The following VIRMA variants were observed in gnomAD, a reference collection of about 807,000 sequenced individuals.
VIRMA encodes protein virilizer homolog.
In VIRMA, 65 loss-of-function variants were observed where a neutral mutation model predicts 182.4. The observed-to-expected ratio is 0.36, with a 90% CI of 0.29 to 0.44. The LOEUF (loss-of-function observed/expected upper bound fraction) is 0.44, where lower values mean the gene tolerates loss of function less well. Ranked by LOEUF, VIRMA falls within the 20% of genes least tolerant of loss-of-function variation. The pLI is 1.00. For missense variants in VIRMA, 1,752 were observed against 2,158.1 expected, an observed-to-expected ratio of 0.81 and a Z score of 3.73; for synonymous variants, 709 against 743.1, an observed-to-expected ratio of 0.95 and a Z score of 0.75.
rs1816081056 is a variant in VIRMA, at chr8:94,553,425, T to A, written c.23A>T (p.Glu8Val). 1 of 1,613,814 alleles carries A rather than the reference T, an allele frequency of 6.2e-7. No homozygotes were observed. The highest frequency in any genetic ancestry group is 1.7e-5 in the Admixed American group (1 of 59,986). MAVDSAMELLFLDTFKHP... is the reference protein window; with the variant it reads MAVDSAMVLLFLDTFKHP... ...TTTAAAAGTATCTAAAAATAACAGC[T>A]CCATCGCCGAGTCCACCGCCATGTT... The change falls in exon 1 of 24, where the codon GAG becomes GTG. Residue 8 changes from glutamate to valine, a missense_variant. Around this residue, in one of 11 missense-constraint regions of VIRMA, gnomAD observed 195 missense variants for 191.7 expected, o/e 1.02. Transcript: ENST00000297591.
At chr8:94,491,468 C>T in intron 22 of VIRMA, 110 bp downstream of exon 22, 1 of 1,046,218 alleles carries the variant, frequency 9.6e-7, no homozygotes, top group East Asian at 2.6e-5. Flanking sequence ...GGCTCAACTG[C>T]AGCAACAGGA....
chr8:94,499,137 T>C (rs1813884512), intron 17 of VIRMA: 1 of 276,132 alleles, frequency 3.6e-6, no homozygotes. Flanking sequence ...GTTGGATATT[T>C]AATATATAAA....
At chr8:94,506,464 A>G (rs1814157324) in intron 16 of VIRMA, 36 bp downstream of exon 16, 1 of 1,348,462 alleles carries the variant, frequency 7.4e-7, no homozygotes, top group South Asian at 1.3e-5. Context: ...TGAAAAAATT[A>G]AATCTGAGAG....
intron 16 of VIRMA, among the ~76,000 whole-genome samples, chr8:94,502,966 T>C (rs979366266): frequency 6.6e-6 from 1 of 152,134 alleles, no homozygotes; most frequent in African/African-American, 2.4e-5. Flanking sequence ...GTAAGGATAG[T>C]ATTGAATTAT....
chr8:94,490,034 T>G lies in VIRMA; in HGVS notation c.5189A>C (p.Gln1730Pro), dbSNP rs1284975416. ...EGTRGSSWSA[Q>P]NTPRGNYNES... ...ATTGTAATTTCCTCGAGGAGTATTC[T>G]GAGCACTCCAACTGGAGCCTCTTGT... is the stretch of plus-strand genomic sequence containing the variant. Residue 1730 changes from glutamine to proline, a missense_variant, in exon 23 of 24, where the codon CAG (glutamine) becomes CCG (proline). Gln to Pro is a moderately conservative substitution (Grantham distance 76, BLOSUM62 -1). This residue lies in a region of VIRMA where 132 missense variants were observed against 173.8 expected (regional missense o/e 0.76). Coordinates refer to ENST00000297591, the MANE Select transcript of VIRMA (RefSeq NM_015496.5). 6.2e-7 allele frequency: 1 copy of G among 1,614,162 alleles called. No individual in the cohort carries two copies. Among genetic ancestry groups the G allele is most frequent in the Non-Finnish European group, 8.5e-7 (1 of 1,179,996 alleles).
Position 94,553,388 on chromosome 8 carries a change from A to G in VIRMA, c.60T>C (p.Ala20=). 1 of 1,613,932 alleles carries G rather than the reference A, an allele frequency of 6.2e-7. No homozygotes were observed. The highest frequency in any genetic ancestry group is 8.5e-7 in the Non-Finnish European group (1 of 1,179,776). ...LFLDTFKHPS[A]EQSSHIDVVR... is the part of the protein sequence containing the mutation. The stretch of plus-strand genomic sequence containing the variant: ...GAATCAAGTCGCCAAGCCTTACCTC[A>G]GCGCTCGGGTGTTTAAAAGTATCTA... Residue 20 remains alanine (A), a synonymous_variant, in exon 1 of 24, where the codon GCT becomes GCC. Coordinates refer to ENST00000297591, the MANE Select transcript of VIRMA (RefSeq NM_015496.5).
chr8:94,528,231 C>CAAAAA (rs11368037), intron 7 of VIRMA, among the ~76,000 whole-genome samples: 3 of 91,792 alleles, frequency 3.3e-5, no homozygotes, highest in East Asian at 2.8e-4. Context: ...GACTTTGTCT[C>CAAAAA]AAAAAAAAAA....
chr8:94,547,444 C>T lies in VIRMA; in HGVS notation c.64-3502G>A, dbSNP rs1301087347. ...TAAAGGTCACAGCATAACTGTTTCC[C>T]TTCCTTATTCTTCTATCCCTGCAAT... On this transcript the variant is annotated intron_variant, in intron 1 of 23. Coordinates refer to ENST00000297591, the MANE Select transcript of VIRMA (RefSeq NM_015496.5). Among the ~76,000 whole-genome samples the T allele has an allele frequency of 2.7e-5, 4 of 150,928 alleles. 1 individual carries two copies. Among genetic ancestry groups the T allele is most frequent in the African/African-American group, 9.9e-5 (4 of 40,284 alleles).
intron 8 of VIRMA, among the ~76,000 whole-genome samples, chr8:94,520,578 T>C (rs1302316465): frequency 3.3e-5 from 5 of 152,198 alleles, no homozygotes; most frequent in African/African-American, 9.6e-5. Context: ...TACACAATAA[T>C]AGTATAACAA....
chr8:94,512,069 G>T lies in VIRMA; in HGVS notation c.2772C>A (p.Thr924=). 6.7e-7 allele frequency: 1 copy of T among 1,496,778 alleles called. No homozygotes were observed. The highest frequency in any genetic ancestry group is 8.9e-7 in the Non-Finnish European group (1 of 1,121,660). 92.7% of individuals were successfully genotyped at this position (1,496,778 alleles called of 1,614,324 possible). A position where few individuals can be genotyped will look rare whatever the true frequency, so the allele number is the denominator to read the frequency against. Residue 924 remains threonine, a synonymous_variant, in exon 12 of 24, where the codon ACC becomes ACA. Coordinates refer to ENST00000297591, the MANE Select transcript of VIRMA (RefSeq NM_015496.5). ...YVKQNIDNLM[T]PEGVGLTTAL... ...CAGTGGTAAGGCCAACTCCTTCTGG[G>T]GTCATCAAGTTATCGATATTCTTTA...
intron 6 of VIRMA, among the ~76,000 whole-genome samples, chr8:94,530,305 A>G (rs1029173411): frequency 6.6e-6 from 1 of 152,046 alleles, no homozygotes; most frequent in African/African-American, 2.4e-5. Context: ...CTTGAGTTTA[A>G]GACCAGCCTG....
chr8:94,538,642 CTT>C (rs1410331712), intron 2 of VIRMA, among the ~76,000 whole-genome samples: 2 of 151,924 alleles, frequency 1.3e-5, no homozygotes, highest in Non-Finnish European at 2.9e-5. Context: ...GAGTTTCGCT[CTT>C]GTTACCCAAG....
Position 94,534,995 on chromosome 8 carries a change from C to T in VIRMA, c.328G>A (p.Gly110Ser), listed in dbSNP as rs1291695147. Residue 110 changes from glycine to serine, a missense_variant, in exon 5 of 24, where the codon GGT becomes AGT. Physicochemically the swap from Gly to Ser is moderately conservative, Grantham distance 56. This residue lies in a region of VIRMA where 195 missense variants were observed against 191.7 expected (regional missense o/e 1.02). Coordinates refer to ENST00000297591, the MANE Select transcript of VIRMA (RefSeq NM_015496.5). ...FRPNSKVNTD[G>S]LVLRGWYNCL... ...TTATACCAGCCTCTTAGCACCAGAC[C>T]ATCAGTATTCACCTGATTTTCAGGG... The T allele has an allele frequency of 6.3e-7, 1 of 1,595,948 alleles. No homozygotes were observed. Among genetic ancestry groups the T allele is most frequent in the Non-Finnish European group, 8.5e-7 (1 of 1,175,058 alleles).
In VIRMA at chr8:94,526,636, T is replaced by C; in HGVS notation, c.1608A>G (p.Glu536=). ...TCACAGTCTGATCTAAAAGTATGAG[T>C]TCCAGAAGCTTTTGATAACCACTTT... The part of the protein sequence containing the change: ...NEKSGYQKLL[E]LILLDQTVRV... The change falls in exon 8 of 24, where the codon GAA becomes GAG. Residue 536 remains glutamate, a synonymous_variant. Transcript: ENST00000297591. 6.2e-7 allele frequency: 1 copy of C among 1,614,074 alleles called. No individual in the cohort carries two copies. Among genetic ancestry groups the C allele is most frequent in the Non-Finnish European group, 8.5e-7 (1 of 1,180,026 alleles).
intron 4 of VIRMA, among the ~76,000 whole-genome samples, chr8:94,535,496 G>T (rs2381882): frequency 0.23 from 35,672 of 152,032 alleles, 5,266 homozygotes; most frequent in East Asian, 0.5. Flanking sequence ...TAAAAAGTAA[G>T]GGAATTAGCC....
At chr8:94,498,573 C>T (rs1234207200) in intron 17 of VIRMA, 1 of 152,234 alleles carries the variant, frequency 6.6e-6, no homozygotes, top group Non-Finnish European at 1.5e-5. Context: ...CTCCTGGACT[C>T]AAGCTATCCT....
intron 5 of VIRMA, among the ~76,000 whole-genome samples, chr8:94,531,737 A>T (rs545452267): frequency 6.6e-6 from 1 of 152,362 alleles, no homozygotes; most frequent in African/African-American, 2.4e-5. Flanking sequence ...ATGCCAAAAA[A>T]ATAAGGGAAT....
intron 2 of VIRMA, 129 bp downstream of exon 2, chr8:94,543,698 C>T: frequency 1.7e-6 from 1 of 595,256 alleles, no homozygotes; most frequent in Non-Finnish European, 3.0e-6. Context: ...TACAATGCAG[C>T]ATAACCATAA....
chr8:94,537,300 T>C (rs1271684603), intron 3 of VIRMA, 149 bp from the exon 4 acceptor site: 2 of 657,392 alleles, frequency 3.0e-6, no homozygotes, highest in Non-Finnish European at 5.3e-6. Context: ...GTTTAATGTA[T>C]TGTCCCCAAA....
Sources: gnomAD v4.1 joint callset for allele counts (sites outside exome capture counted in the v4.1 genomes callset) on GRCh38, gnomAD v4.1.1 for gene constraint, gnomAD v4.1.1 regional missense constraint, MANE v1.5 for transcripts, NCBI Gene and HGNC (gene_info 2026-07-23, HGNC 2026-07-21) for gene names.